ACACA: variants seen among roughly 807,000 people sequenced by gnomAD.
ACACA encodes the protein acetyl-CoA carboxylase alpha.
In ACACA, 103 loss-of-function variants were observed where a neutral mutation model predicts 296.1. The observed-to-expected ratio is 0.35, with a 90% CI of 0.30 to 0.41. The LOEUF (loss-of-function observed/expected upper bound fraction) is 0.41, where lower values mean the gene tolerates loss of function less well. ACACA is among the 10% of genes least tolerant of loss of function. ACACA has a pLI of 1.00. For synonymous variants in ACACA, 953 were observed against 1,038.6 expected (o/e 0.92, Z 1.58); for missense variants, 1,554 against 2,989.7 (o/e 0.52, Z 11.20).
chr17:37,290,343 C>A (rs1008724730), intron 3 of ACACA, among the ~76,000 whole-genome samples: 3 of 152,206 alleles, frequency 2.0e-5, no homozygotes, highest in Non-Finnish European at 4.4e-5. Flanking sequence ...GCCACCATAC[C>A]TAGCCTGCTC....
At chr17:37,188,567 G>C in intron 38 of ACACA, 87 bp from the exon 39 acceptor site, 1 of 1,436,748 alleles carries the variant, frequency 7.0e-7, no homozygotes, top group Middle Eastern at 2.5e-4. Context: ...AGAAAGAAGG[G>C]GTAAAAAAAA....
In ACACA at chr17:37,190,430, C is replaced by T. The variant is rs183279309; in HGVS notation, c.4572+690G>A. Among the ~76,000 whole-genome samples the T allele has an allele frequency of 5.5e-3, 716 of 129,820 alleles. 8 individuals carry two copies. Among genetic ancestry groups the T allele is most frequent in the African/African-American group, 0.019 (673 of 35,940 alleles). 85.2% of individuals were successfully genotyped at this position (129,820 alleles called of 152,430 possible). On this transcript the variant is annotated intron_variant, in intron 38 of 55. Coordinates refer to ENST00000616317, the MANE Select transcript of ACACA (RefSeq NM_198834.3). ...GCAACAGAGCGAGACTCTGTCTCAACAAAAAAAAAAAGAAAGAAAGAAAGC... is the reference window on the plus strand; with the variant it reads ...GCAACAGAGCGAGACTCTGTCTCAATAAAAAAAAAAAGAAAGAAAGAAAGC...
chr17:37,136,189 T>TTTC (rs891775402), intron 45 of ACACA, among the ~76,000 whole-genome samples: 30 of 152,110 alleles, frequency 2.0e-4, no homozygotes, highest in Admixed American at 1.9e-3. Context: ...TAGAGAGCAT[T>TTTC]TTCATCATCC....
In ACACA at chr17:37,087,351, G is replaced by A. The variant is rs1057348; in HGVS notation, c.7117C>T (p.Arg2373Trp). ...ISPTQRAEVI[R>W]ILSTMDSPST ...GGGGAATCCATTGTGGAGAGGATCC[G>A]TATGACTTCTGCTCGCTGAGTGGGT... The change falls in exon 56 of 56, where the codon CGG becomes TGG. Residue 2373 changes from arginine (R) to tryptophan (W), a missense_variant. This residue lies in a region of ACACA where 553 missense variants were observed against 1,043.6 expected (regional missense o/e 0.53). Transcript: ENST00000616317. The A allele has an allele frequency of 1.4e-5, 23 of 1,614,024 alleles. No homozygotes were observed. Among genetic ancestry groups the A allele is most frequent in the African/African-American group, 4.0e-5 (3 of 74,904 alleles).
At chr17:37,180,712 A>T (rs898567630) in intron 40 of ACACA, among the ~76,000 whole-genome samples, 3 of 152,164 alleles carry the variant, frequency 2.0e-5, no homozygotes, top group Admixed American at 2.0e-4. Flanking sequence ...ATCTCCCACA[A>T]AAGAACTTAT....
At chr17:37,389,538 A>C (rs1479657174) in intron 1 of ACACA, among the ~76,000 whole-genome samples, 1 of 152,034 alleles carries the variant, frequency 6.6e-6, no homozygotes, top group Non-Finnish European at 1.5e-5. Flanking sequence ...CTAAAAATAC[A>C]AAAATTAGCC....
intron 29 of ACACA, among the ~76,000 whole-genome samples, chr17:37,213,172 TACACACACACACGCAC>T (rs1567822977): frequency 6.7e-6 from 1 of 148,222 alleles, no homozygotes; most frequent in Non-Finnish European, 1.5e-5. Context: ...CACACACACA[TACACACACACACGCAC>T]ACAAATATAA....
chr17:37,222,149 A>G, intron 28 of ACACA: 1 of 404,408 alleles, frequency 2.5e-6, no homozygotes, highest in South Asian at 2.3e-5. Context: ...AAGACAGCAT[A>G]TAGAACTACA....
intron 3 of ACACA, among the ~76,000 whole-genome samples, chr17:37,320,813 G>A (rs547091492): frequency 9.9e-4 from 151 of 151,960 alleles, no homozygotes; most frequent in African/African-American, 3.5e-3. Context: ...CAGGCATGAT[G>A]GCGGGCACCT....
At chr17:37,384,482 TTTTA>T (rs1402458265) in intron 1 of ACACA, among the ~76,000 whole-genome samples, 1 of 152,342 alleles carries the variant, frequency 6.6e-6, no homozygotes, top group East Asian at 1.9e-4. Flanking sequence ...GCTTTCTCAT[TTTTA>T]TTTGTTTCTG....
intron 52 of ACACA, among the ~76,000 whole-genome samples, chr17:37,111,068 G>A (rs189156940): frequency 1.3e-5 from 2 of 152,230 alleles, no homozygotes; most frequent in African/African-American, 2.4e-5. Context: ...CACACAGTGC[G>A]CAATCTTTAC....
intron 1 of ACACA, among the ~76,000 whole-genome samples, chr17:37,354,498 A>C (rs2049043658): frequency 6.6e-6 from 1 of 152,234 alleles, no homozygotes; most frequent in South Asian, 2.1e-4. Flanking sequence ...TTAATGCCAT[A>C]TCAATCAGAT....
intron 1 of ACACA, among the ~76,000 whole-genome samples, chr17:37,346,184 G>A (rs1234725384): frequency 6.6e-6 from 1 of 152,048 alleles, no homozygotes; most frequent in Admixed American, 6.6e-5. Flanking sequence ...GGGCATGGAG[G>A]CATGCACCTG....
chr17:37,211,999 C>G (rs751293530), intron 29 of ACACA, among the ~76,000 whole-genome samples: 1 of 152,106 alleles, frequency 6.6e-6, no homozygotes, highest in Non-Finnish European at 1.5e-5. Flanking sequence ...GAGGGAGGTA[C>G]AGCTGAACAG....
chr17:37,089,848 T>C (rs537063973), intron 54 of ACACA, among the ~76,000 whole-genome samples: 1 of 152,322 alleles, frequency 6.6e-6, no homozygotes, highest in South Asian at 2.1e-4. Context: ...CTTGCTCTCT[T>C]CTCCTCTCAT....
chr17:37,101,255 T>C (rs1402503710), intron 52 of ACACA, among the ~76,000 whole-genome samples: 1 of 152,188 alleles, frequency 6.6e-6, no homozygotes, highest in Non-Finnish European at 1.5e-5. Flanking sequence ...GAAAAAAGCA[T>C]TGTATTATTC....
intron 1 of ACACA, chr17:37,376,284 C>A: frequency 1.4e-6 from 1 of 691,038 alleles, no homozygotes; most frequent in Non-Finnish European, 2.5e-6. Context: ...TCCCATGTAT[C>A]CACTCGCCTC....
At position 37,086,845 on chromosome 17, in the gene ACACA, T is replaced by A. The variant is rs1597772500; in HGVS notation, c.*471A>T. The A allele has an allele frequency of 4.3e-6, 1 of 233,962 alleles. No homozygotes were observed. Among genetic ancestry groups the A allele is most frequent in the Admixed American group, 5.1e-5 (1 of 19,708 alleles). 14.5% of individuals were successfully genotyped at this position (233,962 alleles called of 1,614,324 possible). A position where few individuals can be genotyped will look rare whatever the true frequency, so the allele number is the denominator to read the frequency against. On this transcript the variant is annotated 3_prime_UTR_variant, in exon 56 of 56. Transcript: ENST00000616317. ...GGCTAAGAGTCGGGGTAATAAACAATGGACTTGAGGCTTCCTCCTCTCCTT... is the reference window on the plus strand; with the variant it reads ...GGCTAAGAGTCGGGGTAATAAACAAAGGACTTGAGGCTTCCTCCTCTCCTT...
chr17:37,325,199 C>CAA (rs570719773), intron 3 of ACACA, among the ~76,000 whole-genome samples: 9 of 98,442 alleles, frequency 9.1e-5, no homozygotes, highest in African/African-American at 2.3e-4. Context: ...GACTCCCTCT[C>CAA]AAAAAAAAAA....
Sources: gnomAD v4.1 joint callset for allele counts (sites outside exome capture counted in the v4.1 genomes callset) on GRCh38, gnomAD v4.1.1 for gene constraint, gnomAD v4.1.1 regional missense constraint, MANE v1.5 for transcripts, NCBI Gene and HGNC (gene_info 2026-07-23, HGNC 2026-07-21) for gene names.